Variants in PARD3 observed in about 807,000 individuals in gnomAD.
PARD3 encodes the protein par-3 family cell polarity regulator.
Under a neutral mutation model 155.4 loss-of-function variants are expected in PARD3, and 75 were observed. The observed-to-expected ratio is 0.48, with a 90% CI of 0.40 to 0.58. PARD3 has a LOEUF of 0.58. Among genes scored for constraint, PARD3 ranks in the 20% least tolerant of loss-of-function variants. The pLI is 0.00. For synonymous variants in PARD3, 576 were observed against 610.5 expected (o/e 0.94, Z 0.83); for missense variants, 1,642 against 1,721.7 (o/e 0.95, Z 0.82).
chr10:34,616,383 A>G (rs2091258538), intron 2 of PARD3, among the ~76,000 whole-genome samples: 1 of 152,182 alleles, frequency 6.6e-6, no homozygotes, highest in South Asian at 2.1e-4. Context: ...TGCTGCATAT[A>G]CACCCAATGG....
At chr10:34,766,492 A>G (rs1373226928) in intron 1 of PARD3, among the ~76,000 whole-genome samples, 2 of 152,158 alleles carry the variant, frequency 1.3e-5, no homozygotes, top group East Asian at 1.9e-4. Flanking sequence ...ACTAGCCCCA[A>G]AGCTGATTCG....
At chr10:34,177,657 G>A (rs370448024) in intron 22 of PARD3, among the ~76,000 whole-genome samples, 2 of 152,128 alleles carry the variant, frequency 1.3e-5, no homozygotes, top group East Asian at 1.9e-4. Flanking sequence ...CGCAAGACTC[G>A]CCTCCCAGGG....
rs2086513053 is a variant in PARD3 at position 34,572,615 on chromosome 10, G to A, written c.223-55456C>T. Among the ~76,000 whole-genome samples, 5 of 150,672 alleles carry A rather than the reference G, an allele frequency of 3.3e-5. No homozygotes were observed. In the South Asian group the frequency reaches 8.5e-4, roughly 25 times the overall value. Reference sequence around the variant, plus strand: ...GAGATCATATCACTGCACTCCAGCCGGGGTGACAGAGCAAGACTCTGTCTC... The same window carrying A: ...GAGATCATATCACTGCACTCCAGCCAGGGTGACAGAGCAAGACTCTGTCTC... On this transcript the variant is annotated intron_variant, in intron 2 of 24. Transcript: ENST00000374788.
At chr10:34,317,045 T>C (rs1447510517) in intron 20 of PARD3, 62 bp downstream of exon 20, 10 of 1,452,432 alleles carry the variant, frequency 6.9e-6, no homozygotes, top group Non-Finnish European at 9.1e-6. Context: ...TTTAGTACTT[T>C]TTGCTAAGCT....
intron 2 of PARD3, among the ~76,000 whole-genome samples, chr10:34,539,529 G>A (rs563103947): frequency 5.3e-5 from 8 of 152,152 alleles, no homozygotes; most frequent in South Asian, 4.2e-4. Context: ...GTGTGGTGGC[G>A]GGCACCTGTA....
At chr10:34,729,424 G>A (rs1241437921) in intron 1 of PARD3, among the ~76,000 whole-genome samples, 2 of 151,640 alleles carry the variant, frequency 1.3e-5, no homozygotes, top group African/African-American at 2.4e-5. Flanking sequence ...CCAGCTACTC[G>A]GGAGGCTAAG....
chr10:34,238,807 C>G (rs560093426), intron 22 of PARD3, among the ~76,000 whole-genome samples: 2 of 152,118 alleles, frequency 1.3e-5, no homozygotes, highest in Non-Finnish European at 2.9e-5. Flanking sequence ...GGAGGAAAAT[C>G]CTAATAAATC....
intron 1 of PARD3, among the ~76,000 whole-genome samples, chr10:34,744,840 AG>A (rs1199044431): frequency 6.6e-6 from 1 of 152,242 alleles, no homozygotes; most frequent in African/African-American, 2.4e-5. Context: ...GTCTGATAAG[AG>A]GGGAGATTAG....
At chr10:34,282,542 A>G (rs1956207688) in intron 21 of PARD3, among the ~76,000 whole-genome samples, 1 of 152,196 alleles carries the variant, frequency 6.6e-6, no homozygotes, top group Non-Finnish European at 1.5e-5. Flanking sequence ...CTGCATGGAA[A>G]CATAGCAGTC....
At chr10:34,280,267 A>T (rs1288684847) in intron 21 of PARD3, among the ~76,000 whole-genome samples, 3 of 152,226 alleles carry the variant, frequency 2.0e-5, no homozygotes, top group Non-Finnish European at 4.4e-5. Context: ...TAAAAATGCA[A>T]AATAAATAAA....
chr10:34,444,356 A>T (rs2076627294), intron 5 of PARD3, among the ~76,000 whole-genome samples: 1 of 152,246 alleles, frequency 6.6e-6, no homozygotes, highest in Admixed American at 6.5e-5. Flanking sequence ...AAAGTGTGGG[A>T]ATATAAGAAC....
chr10:34,581,229 C>CTTTTCTT (rs2087432058), intron 2 of PARD3, among the ~76,000 whole-genome samples: 2 of 95,152 alleles, frequency 2.1e-5, no homozygotes, highest in African/African-American at 4.5e-5. Flanking sequence ...TTTTCTTTTT[C>CTTTTCTT]TTTTCTTTTT....
intron 1 of PARD3, among the ~76,000 whole-genome samples, chr10:34,814,580 C>G (rs1186438651): frequency 6.6e-6 from 1 of 152,012 alleles, no homozygotes; most frequent in Admixed American, 6.6e-5. Flanking sequence ...CGCCCAGGGC[C>G]GGCCTATGCG....
intron 4 of PARD3, among the ~76,000 whole-genome samples, chr10:34,460,294 T>TA (rs1226209173): frequency 6.6e-6 from 1 of 152,142 alleles, no homozygotes; most frequent in African/African-American, 2.4e-5. Flanking sequence ...ATTGAAACCT[T>TA]ACTCTCCCCT....
rs182639800 is a variant in PARD3 at position 34,598,526 on chromosome 10, T to C, written c.223-81367A>G. On this transcript the variant is annotated intron_variant, in intron 2 of 24. Coordinates refer to ENST00000374788, the MANE Select transcript of PARD3 (RefSeq NM_001184785.2). ...GAGCACTCTCTTGACAATATGAGAATGAAAAAAAATATTTTTTTAAATCGA... is the reference window on the plus strand; with the variant it reads ...GAGCACTCTCTTGACAATATGAGAACGAAAAAAAATATTTTTTTAAATCGA... Among the ~76,000 whole-genome samples, 16 of 152,150 alleles carry C rather than the reference T, an allele frequency of 1.1e-4. No individual in the cohort carries two copies. In the East Asian group the frequency reaches 3.1e-3, roughly 29 times the overall value.
At chr10:34,277,304 G>A (rs193127805) in intron 21 of PARD3, among the ~76,000 whole-genome samples, 1 of 152,228 alleles carries the variant, frequency 6.6e-6, no homozygotes, top group Non-Finnish European at 1.5e-5. Context: ...TCAGCAGATG[G>A]CAGACTTCAA....
At chr10:34,741,086 T>C (rs2095002581) in intron 1 of PARD3, among the ~76,000 whole-genome samples, 2 of 151,934 alleles carry the variant, frequency 1.3e-5, no homozygotes, top group African/African-American at 4.8e-5. Flanking sequence ...TAACAGACTA[T>C]ACTCAATACT....
At chr10:34,499,993 A>C (rs2133412629) in intron 3 of PARD3, among the ~76,000 whole-genome samples, 1 of 152,356 alleles carries the variant, frequency 6.6e-6, no homozygotes, top group Admixed American at 6.5e-5. Context: ...AACATCCACA[A>C]GAAAAAAAGT....
intron 1 of PARD3, among the ~76,000 whole-genome samples, chr10:34,714,871 T>C (rs1185850840): frequency 6.8e-6 from 1 of 148,066 alleles, no homozygotes; most frequent in Non-Finnish European, 1.5e-5. Flanking sequence ...GCCTCCCGAG[T>C]TCAAGTGATT....
Sources: gnomAD v4.1 joint callset for allele counts (sites outside exome capture counted in the v4.1 genomes callset) on GRCh38, gnomAD v4.1.1 for gene constraint, MANE v1.5 for transcripts, NCBI Gene and HGNC (gene_info 2026-07-23, HGNC 2026-07-21) for gene names.